CFI: variants seen among roughly 807,000 people sequenced by gnomAD.
CFI encodes C3B/C4B inactivator.
In CFI, 66 loss-of-function variants were observed where a neutral mutation model predicts 78.8. That is an observed-to-expected ratio of 0.84 (90% CI 0.69 to 1.03). The LOEUF (loss-of-function observed/expected upper bound fraction) is 1.03, where lower values mean the gene tolerates loss of function less well. CFI is among the 50% of genes least tolerant of loss of function. CFI has a pLI of 0.00. For missense variants in CFI, 706 were observed against 704.5 expected (o/e 1.00, Z -0.02); for synonymous variants, 250 against 232.6 (o/e 1.07, Z -0.68).
intron 1 of CFI, among the ~76,000 whole-genome samples, chr4:109,774,103 A>G (rs1728927821): frequency 6.6e-6 from 1 of 152,244 alleles, no homozygotes; most frequent in South Asian, 2.1e-4. Flanking sequence ...TTAAACATAG[A>G]TTATCACTTG....
chr4:109,774,677 A>G (rs1729002217), intron 1 of CFI, among the ~76,000 whole-genome samples: 1 of 152,196 alleles, frequency 6.6e-6, no homozygotes, highest in African/African-American at 2.4e-5. Context: ...TCCAGTGTGT[A>G]GAGGTTGAGC....
chr4:109,779,208 T>C (rs955068160), intron 1 of CFI, among the ~76,000 whole-genome samples: 32 of 152,176 alleles, frequency 2.1e-4, no homozygotes, highest in African/African-American at 7.2e-4. Flanking sequence ...TGTTTGCAGA[T>C]GACATGATTG....
chr4:109,756,719 G>T (rs982884632), intron 7 of CFI, among the ~76,000 whole-genome samples: 1 of 151,486 alleles, frequency 6.6e-6, no homozygotes, highest in African/African-American at 2.4e-5. Context: ...AATTAGCCAG[G>T]TGTGGTGGCA....
At chr4:109,732,301 T>G in the CFI span, among the ~76,000 whole-genome samples, 1 of 152,228 alleles carries the variant, frequency 6.6e-6, no homozygotes. Flanking sequence ...TCTCTTTCTC[T>G]CAAGCAAATC....
At chr4:109,752,144 A>C (rs1725223079) in intron 8 of CFI, among the ~76,000 whole-genome samples, 1 of 152,214 alleles carries the variant, frequency 6.6e-6, no homozygotes, top group Admixed American at 6.5e-5. Context: ...GTCATGAGTC[A>C]TGCTTGAGAG....
intron 2 of CFI, among the ~76,000 whole-genome samples, chr4:109,765,810 C>T (rs943342815): frequency 8.6e-5 from 13 of 151,978 alleles, no homozygotes; most frequent in East Asian, 7.7e-4. Context: ...TTGGGGGGGA[C>T]GGCTGTTGAA....
the CFI span, among the ~76,000 whole-genome samples, chr4:109,735,536 G>A: frequency 6.6e-6 from 1 of 152,050 alleles, no homozygotes; most frequent in Non-Finnish European, 1.5e-5. Flanking sequence ...CTATTTTTTA[G>A]TATTTTCCAA....
At chr4:109,794,248 T>C (rs1360611613) in intron 1 of CFI, 2 of 152,210 alleles carry the variant, frequency 1.3e-5, no homozygotes, top group Non-Finnish European at 2.9e-5. Flanking sequence ...TTTCTCCTTC[T>C]GGGGTTCCAT....
chr4:109,767,463 T>G lies in CFI; in HGVS notation c.58-639A>C, dbSNP rs558112357. Among the ~76,000 whole-genome samples, 349 of 151,702 alleles carry G rather than the reference T, an allele frequency of 2.3e-3. 3 individuals are homozygous for G. Among genetic ancestry groups the G allele is most frequent in the African/African-American group, 7.9e-3 (327 of 41,368 alleles). On this transcript the variant is annotated intron_variant, in intron 1 of 12. Transcript: ENST00000394634. ...AAAAACAAACAACCCCATCAAAAAG[T>G]GGGCAAAGGATATGAACAGACATTT...
At chr4:109,790,448 G>T (rs960298656) in intron 1 of CFI, among the ~76,000 whole-genome samples, 21 of 151,892 alleles carry the variant, frequency 1.4e-4, no homozygotes, top group Non-Finnish European at 2.8e-4. Context: ...TTAAGTTCAG[G>T]GTTTGTTTTA....
intron 1 of CFI, among the ~76,000 whole-genome samples, chr4:109,775,967 C>A (rs957138686): frequency 1.1e-4 from 17 of 152,134 alleles, no homozygotes; most frequent in Non-Finnish European, 2.4e-4. Context: ...ACATCCACAC[C>A]AAAACCCCAT....
chr4:109,770,586 G>T (rs541420848), intron 1 of CFI, among the ~76,000 whole-genome samples: 1 of 137,730 alleles, frequency 7.3e-6, no homozygotes, highest in Non-Finnish European at 1.6e-5. Flanking sequence ...AAAAGAAACC[G>T]CTTTACTGGT....
At chr4:109,777,903 A>C (rs1729481588) in intron 1 of CFI, among the ~76,000 whole-genome samples, 1 of 152,190 alleles carries the variant, frequency 6.6e-6, no homozygotes, top group Admixed American at 6.5e-5. Flanking sequence ...AACGAAATGA[A>C]GGCAGAAATA....
At chr4:109,798,635 A>G (rs1732371052) in intron 1 of CFI, among the ~76,000 whole-genome samples, 2 of 151,918 alleles carry the variant, frequency 1.3e-5, no homozygotes, top group South Asian at 2.1e-4. Flanking sequence ...TGCATGCATC[A>G]TAATTTTTGG....
intron 1 of CFI, among the ~76,000 whole-genome samples, chr4:109,770,059 A>C (rs541435126): frequency 6.6e-6 from 1 of 152,322 alleles, no homozygotes; most frequent in South Asian, 2.1e-4. Flanking sequence ...GGGAGATGGA[A>C]GGGAAAACGC....
chr4:109,763,580 G>A (rs1037220082), intron 3 of CFI, among the ~76,000 whole-genome samples: 1 of 152,064 alleles, frequency 6.6e-6, no homozygotes, highest in Non-Finnish European at 1.5e-5. Flanking sequence ...ATCTAGATAT[G>A]TGCTGTTTAT....
At position 109,742,255 on chromosome 4, in the gene CFI, C is replaced by T. The variant is rs937219870; in HGVS notation, c.1534+236G>A. ...TAGGTCTGGTTCCAGAGGCCGTGCT[C>T]TTAGTCACCTTGCTGTGCTGCTATA... On this transcript the variant is annotated intron_variant, in intron 12 of 12. Coordinates refer to ENST00000394634, the MANE Select transcript of CFI (RefSeq NM_000204.5). 3 of 502,004 alleles carry T rather than the reference C, an allele frequency of 6.0e-6. No homozygotes were observed. The East Asian group carries it at 1.0e-4, about 17-fold the overall frequency. 31.1% of individuals were successfully genotyped at this position (502,004 alleles called of 1,614,324 possible). A position where few individuals can be genotyped will look rare whatever the true frequency, so the allele number is the denominator to read the frequency against.
chr4:109,758,444 G>C (rs547838551), intron 6 of CFI, among the ~76,000 whole-genome samples: 18 of 152,034 alleles, frequency 1.2e-4, no homozygotes, highest in Non-Finnish European at 2.4e-4. Flanking sequence ...GTCTAGAATA[G>C]GTACATAAGG....
At position 109,753,216 on chromosome 4, in the gene CFI, T is replaced by TTATATA. The variant is rs1561292725; in HGVS notation, c.905-714_905-713insTATATA. On this transcript the variant is annotated intron_variant, in intron 7 of 12. Transcript: ENST00000394634. Reference sequence around the variant, plus strand: ...AATAAATATTTATAATATATATTTATAATATATTTATAATATAAATAAATA... The same window carrying TTATATA: ...AATAAATATTTATAATATATATTTATTATATAAATATATTTATAATATAAATAAATA... Among the ~76,000 whole-genome samples the TTATATA allele has an allele frequency of 2.2e-3, 9 of 4,120 alleles. 3 individuals are homozygous for TTATATA. In the Non-Finnish European group the frequency reaches 0.048, roughly 22 times the overall value. 2.7% of individuals were successfully genotyped at this position (4,120 alleles called of 152,430 possible).
Sources: allele counts gnomAD v4.1 joint callset (sites outside exome capture counted in the v4.1 genomes callset), GRCh38; gene constraint gnomAD v4.1.1; transcripts MANE v1.5; gene names NCBI Gene and HGNC (gene_info 2026-07-23, HGNC 2026-07-21).